FAAH2: variants seen among roughly 807,000 people sequenced by gnomAD.
FAAH2 encodes the protein fatty-acid amide hydrolase 2.
In FAAH2, 60 loss-of-function variants were observed where a neutral mutation model predicts 36.9. That is an observed-to-expected ratio of 1.63 (90% confidence interval 1.32 to 2.02). FAAH2 has a LOEUF of 2.02. Among genes scored for constraint, FAAH2 ranks in the 30% most tolerant of loss-of-function variants. The pLI is 0.00. For missense variants in FAAH2, 689 were observed against 397.5 expected (o/e 1.73, Z -6.23); for synonymous variants, 214 against 143.8 (o/e 1.49, Z -3.49).
chrX:57,350,614 T>G (rs753111331), intron 5 of FAAH2, among the ~76,000 whole-genome samples: 1 of 111,111 alleles, frequency 9.0e-6, no homozygotes, highest in East Asian at 2.8e-4. Context: ...TACAAGAAAG[T>G]TACTTTATTT....
At chrX:57,229,548 G>A in the FAAH2 span, 1 of 111,653 alleles carries the variant, frequency 9.0e-6, no homozygotes, top group Non-Finnish European at 1.9e-5. Flanking sequence ...CTGATGGAAA[G>A]GGTAGCAATG....
chrX:57,215,150 GA>G, the FAAH2 span, among the ~76,000 whole-genome samples: 1 of 108,016 alleles, frequency 9.3e-6, no homozygotes, highest in East Asian at 2.8e-4. Context: ...AAAAAGTGGG[GA>G]AAGAACATAA....
Position 57,418,076 on chromosome X carries a change from C to T in FAAH2, c.997-13842C>T, listed in dbSNP as rs969149481. 7.2e-5 allele frequency among the ~76,000 whole-genome samples: 8 copies of T among 111,398 alleles called. No individual in the cohort carries two copies. The East Asian group carries it at 1.4e-3, about 20-fold the overall frequency. ...GCCTTAGTAATTGTGGCCCTCCCTC[C>T]CCCCACCATGCCAGAGCATGCCCTA... On this transcript the variant is annotated intron_variant, in intron 7 of 10. Coordinates refer to ENST00000374900, the MANE Select transcript of FAAH2 (RefSeq NM_174912.4).
the FAAH2 span, among the ~76,000 whole-genome samples, chrX:57,248,351 G>A: frequency 7.1e-5 from 8 of 111,964 alleles, 1 homozygote; most frequent in Admixed American, 6.6e-4. Context: ...ACACCTGCTA[G>A]GAGTAAGGTT....
chrX:57,462,370 G>A (rs781303183), intron 10 of FAAH2, among the ~76,000 whole-genome samples: 3 of 110,676 alleles, frequency 2.7e-5, no homozygotes, highest in Non-Finnish European at 5.7e-5. Flanking sequence ...GAAAATTTCA[G>A]GCCAGTATTC....
intron 8 of FAAH2, among the ~76,000 whole-genome samples, chrX:57,432,839 C>T (rs2056331945): frequency 9.0e-6 from 1 of 111,082 alleles, no homozygotes; most frequent in South Asian, 3.8e-4. Flanking sequence ...CTGCAGTTTA[C>T]TCATACGTAA....
the FAAH2 span, among the ~76,000 whole-genome samples, chrX:57,151,112 G>A: frequency 2.7e-5 from 3 of 112,575 alleles, no homozygotes; most frequent in East Asian, 8.4e-4. Context: ...GGCTTGTAGA[G>A]TTTCTGCTGA....
chrX:57,122,862 T>C, the FAAH2 span, among the ~76,000 whole-genome samples: 1 of 112,107 alleles, frequency 8.9e-6, no homozygotes, highest in South Asian at 3.7e-4. Flanking sequence ...TGAAAGAACA[T>C]TAAAATATTA....
the FAAH2 span, among the ~76,000 whole-genome samples, chrX:57,189,462 G>A: frequency 1.3e-3 from 142 of 109,507 alleles, no homozygotes; most frequent in Non-Finnish European, 2.3e-3. Context: ...TGGAGAAGAG[G>A]CATTCTGGTT....
At chrX:57,182,644 T>A in the FAAH2 span, among the ~76,000 whole-genome samples, 18 of 111,360 alleles carry the variant, frequency 1.6e-4, no homozygotes, top group Non-Finnish European at 3.0e-4. Context: ...GCGGCACAAC[T>A]CCTCAAAGAG....
At chrX:57,135,612 G>A in the FAAH2 span, 2 of 869,252 alleles carry the variant, frequency 2.3e-6, no homozygotes, top group Non-Finnish European at 1.6e-6. Context: ...AAACACACCC[G>A]AACTTTTCAA....
chrX:57,354,590 C>T (rs1292432575), intron 5 of FAAH2, among the ~76,000 whole-genome samples: 2 of 110,276 alleles, frequency 1.8e-5, no homozygotes, highest in South Asian at 7.6e-4. Flanking sequence ...AAACTAAAAC[C>T]CACTGAATTA....
At chrX:57,321,441 C>T (rs1013202651) in intron 3 of FAAH2, among the ~76,000 whole-genome samples, 2 of 109,371 alleles carry the variant, frequency 1.8e-5, no homozygotes, top group Non-Finnish European at 3.8e-5. Context: ...CCTGCACGTT[C>T]TGCATATGTA....
chrX:57,418,270 G>T (rs1221211647), intron 7 of FAAH2, among the ~76,000 whole-genome samples: 1 of 111,440 alleles, frequency 9.0e-6, no homozygotes, highest in Non-Finnish European at 1.9e-5. Context: ...AGGCGCCACC[G>T]GGCTTTGAGA....
the FAAH2 span, among the ~76,000 whole-genome samples, chrX:57,267,987 C>G: frequency 1.2e-4 from 13 of 112,465 alleles, no homozygotes; most frequent in Non-Finnish European, 2.3e-4. Context: ...GGATTCAGAA[C>G]TGAGCTGAGG....
the FAAH2 span, among the ~76,000 whole-genome samples, chrX:57,158,310 C>T: frequency 8.9e-5 from 10 of 112,127 alleles, no homozygotes; most frequent in Admixed American, 1.9e-4. Context: ...AATTAACATA[C>T]GTGTGCATGT....
the FAAH2 span, among the ~76,000 whole-genome samples, chrX:57,255,216 A>C: frequency 8.9e-6 from 1 of 111,876 alleles, no homozygotes; most frequent in African/African-American, 3.2e-5. Context: ...CCCTCCCAAG[A>C]CTAAACCAGG....
chrX:57,225,094 T>C, the FAAH2 span, among the ~76,000 whole-genome samples: 1 of 111,884 alleles, frequency 8.9e-6, no homozygotes, highest in Non-Finnish European at 1.9e-5. Context: ...ATGAATCAAC[T>C]TTTTGTTTCA....
chrX:57,185,415 C>A, the FAAH2 span, among the ~76,000 whole-genome samples: 1 of 110,528 alleles, frequency 9.0e-6, no homozygotes, highest in Non-Finnish European at 1.9e-5. Flanking sequence ...TAAAGGATCT[C>A]ATTTATTTTT....
Sources: allele counts gnomAD v4.1 joint callset (sites outside exome capture counted in the v4.1 genomes callset), GRCh38; gene constraint gnomAD v4.1.1; transcripts MANE v1.5; gene names NCBI Gene and HGNC (gene_info 2026-07-23, HGNC 2026-07-21).